Variants in GAB2 observed in about 807,000 individuals in gnomAD.
GAB2 encodes the protein GRB2-associated-binding protein 2.
In GAB2, 26 loss-of-function variants were observed where a neutral mutation model predicts 65.5. The ratio of observed to expected loss-of-function variants is 0.40; its 90% CI spans 0.29 to 0.55. The LOEUF is 0.55. Among genes scored for constraint, GAB2 ranks in the 20% least tolerant of loss-of-function variants. The pLI, the probability that GAB2 is intolerant of heterozygous loss-of-function variation, is 0.53. For missense variants in GAB2, 884 were observed against 875.8 expected (o/e 1.01, Z -0.12); for synonymous variants, 321 against 329.6 (o/e 0.97, Z 0.28).
At chr11:78,312,627 C>G (rs1487840673) in intron 1 of GAB2, among the ~76,000 whole-genome samples, 1 of 152,042 alleles carries the variant, frequency 6.6e-6, no homozygotes, top group African/African-American at 2.4e-5. Flanking sequence ...CAGGGTTTCA[C>G]CATGTTGGCC....
chr11:78,397,803 C>T (rs932855973), intron 1 of GAB2, among the ~76,000 whole-genome samples: 3 of 152,044 alleles, frequency 2.0e-5, no homozygotes, highest in African/African-American at 7.2e-5. Flanking sequence ...TACTTATGTA[C>T]ACTGTAGATA....
intron 3 of GAB2, among the ~76,000 whole-genome samples, chr11:78,233,037 T>G (rs1307824125): frequency 1.8e-4 from 27 of 146,794 alleles, no homozygotes; most frequent in Non-Finnish European, 5.9e-5. Context: ...CTGGCACTGT[T>G]AAGTTTTTTT....
chr11:78,237,941 A>G (rs943017341), intron 3 of GAB2, among the ~76,000 whole-genome samples: 5 of 152,258 alleles, frequency 3.3e-5, no homozygotes, highest in African/African-American at 1.2e-4. Flanking sequence ...AAAACCAAGC[A>G]CTACATGTTC....
At chr11:78,399,430 A>G (rs950265113) in intron 1 of GAB2, among the ~76,000 whole-genome samples, 16 of 152,338 alleles carry the variant, frequency 1.1e-4, no homozygotes, top group Middle Eastern at 3.4e-3. Context: ...ACCATTCTCA[A>G]ACATTGGCCC....
chr11:78,225,132 C>T lies in GAB2; in HGVS notation c.1278G>A (p.Met426Ile), dbSNP rs746821961. 4.3e-6 allele frequency: 7 copies of T among 1,613,064 alleles called. 1 individual carries two copies. In the Admixed American group the frequency reaches 5.0e-5, roughly 12 times the overall value. ...CCAGGAAAGAGCCAACTCCATCACT[C>T]ATGGATTCAGCAGACCGGCCTGCAC... ...GESAGRSAES[M>I]SDGVGSFLPG... is the part of the protein sequence containing the mutation. Residue 426 changes from methionine to isoleucine, a missense_variant, in exon 5 of 10, where the codon ATG (methionine) becomes ATA (isoleucine). Physicochemically the swap from Met to Ile is conservative, Grantham distance 10. Transcript: ENST00000361507.
At chr11:78,265,187 C>T (rs993624650) in intron 2 of GAB2, among the ~76,000 whole-genome samples, 6 of 126,686 alleles carry the variant, frequency 4.7e-5, no homozygotes, top group Non-Finnish European at 1.0e-4. Flanking sequence ...ATGTAATAAA[C>T]GGGCCTTCTA....
At chr11:78,245,139 TG>T (rs1865261595) in intron 3 of GAB2, among the ~76,000 whole-genome samples, 1 of 152,060 alleles carries the variant, frequency 6.6e-6, no homozygotes, top group Admixed American at 6.6e-5. Flanking sequence ...AGTAGAATGG[TG>T]GTTTTCAGGG....
Position 78,219,194 on chromosome 11 carries a change from A to T in GAB2, c.*78T>A. 7.4e-7 allele frequency: 1 copy of T among 1,357,154 alleles called. No individual in the cohort carries two copies. The highest frequency in any genetic ancestry group is 1.0e-6 in the Non-Finnish European group (1 of 966,946). 84.1% of individuals were successfully genotyped at this position (1,357,154 alleles called of 1,614,324 possible). On this transcript the variant is annotated 3_prime_UTR_variant, in exon 10 of 10. Coordinates refer to ENST00000361507, the MANE Select transcript of GAB2 (RefSeq NM_080491.3). ...TAGAGAGGAGGTGGATGGGAGGAAGAACGGGAGAGGGGAGAGGGGAGATGG... is the reference window on the plus strand; with the variant it reads ...TAGAGAGGAGGTGGATGGGAGGAAGTACGGGAGAGGGGAGAGGGGAGATGG...
intron 1 of GAB2, among the ~76,000 whole-genome samples, chr11:78,297,639 G>A (rs148846049): frequency 2.7e-4 from 41 of 152,122 alleles, no homozygotes; most frequent in African/African-American, 9.9e-4. Context: ...GGTCATGGCT[G>A]GAACACAGTA....
At chr11:78,259,747 C>G (rs961706874) in intron 2 of GAB2, among the ~76,000 whole-genome samples, 18 of 152,198 alleles carry the variant, frequency 1.2e-4, no homozygotes, top group Admixed American at 1.1e-3. Flanking sequence ...CCTCTCAAAT[C>G]TCTCATCTAC....
At chr11:78,253,799 G>C (rs541893374) in intron 2 of GAB2, among the ~76,000 whole-genome samples, 1 of 152,024 alleles carries the variant, frequency 6.6e-6, no homozygotes, top group East Asian at 1.9e-4. Context: ...CAATAAATAC[G>C]CGTTGATCAA....
chr11:78,260,664 G>T (rs1011536557), intron 2 of GAB2, among the ~76,000 whole-genome samples: 2 of 152,056 alleles, frequency 1.3e-5, no homozygotes, highest in Non-Finnish European at 2.9e-5. Context: ...TAGTGTCAGG[G>T]TTTCACCATG....
intron 2 of GAB2, among the ~76,000 whole-genome samples, chr11:78,277,253 T>C (rs1286341094): frequency 1.3e-5 from 2 of 152,234 alleles, no homozygotes; most frequent in Non-Finnish European, 2.9e-5. Flanking sequence ...GGTTACATTT[T>C]CCCCTCATCA....
intron 1 of GAB2, among the ~76,000 whole-genome samples, chr11:78,414,742 T>C (rs1857172539): frequency 6.6e-6 from 1 of 152,220 alleles, no homozygotes; most frequent in Non-Finnish European, 1.5e-5. Context: ...AGGTCTCTTA[T>C]ACTTATACTT....
chr11:78,293,051 G>A (rs1866721932), intron 1 of GAB2, among the ~76,000 whole-genome samples: 1 of 152,214 alleles, frequency 6.6e-6, no homozygotes, highest in South Asian at 2.1e-4. Context: ...TGGCCACAGA[G>A]TTTATGAATT....
At chr11:78,309,025 G>A (rs1855431893) in intron 1 of GAB2, among the ~76,000 whole-genome samples, 1 of 152,190 alleles carries the variant, frequency 6.6e-6, no homozygotes, top group Admixed American at 6.5e-5. Context: ...AGGCAAGGGA[G>A]AGCCTGAGTA....
intron 1 of GAB2, among the ~76,000 whole-genome samples, chr11:78,395,760 A>G (rs780239900): frequency 6.6e-6 from 1 of 152,188 alleles, no homozygotes; most frequent in East Asian, 1.9e-4. Flanking sequence ...CATTATCTCT[A>G]TTTTACAGAC....
At chr11:78,323,158 T>C (rs547381124) in intron 1 of GAB2, among the ~76,000 whole-genome samples, 3 of 152,164 alleles carry the variant, frequency 2.0e-5, no homozygotes, top group South Asian at 4.1e-4. Flanking sequence ...TGGAATCACA[T>C]ACTTTGCAGC....
At chr11:78,235,390 G>A (rs985178798) in intron 3 of GAB2, among the ~76,000 whole-genome samples, 1 of 152,058 alleles carries the variant, frequency 6.6e-6, no homozygotes, top group African/African-American at 2.4e-5. Flanking sequence ...CTGACCTTGA[G>A]ATCCGCCCAC....
Sources: allele counts gnomAD v4.1 joint callset (sites outside exome capture counted in the v4.1 genomes callset), GRCh38; gene constraint gnomAD v4.1.1; transcripts MANE v1.5; gene names NCBI Gene and HGNC (gene_info 2026-07-23, HGNC 2026-07-21).